The following ST8SIA1 variants were observed in gnomAD, a reference collection of about 807,000 sequenced individuals.
ST8SIA1 encodes alpha-N-acetylneuraminide alpha-2,8-sialyltransferase.
A neutral mutation model predicts 35.9 loss-of-function variants in ST8SIA1; 16 were observed. That is an observed-to-expected ratio of 0.45 (90% CI 0.30 to 0.68). The LOEUF is 0.68. Ranked by LOEUF, ST8SIA1 falls within the 30% of genes least tolerant of loss-of-function variation. The pLI, the probability that ST8SIA1 is intolerant of heterozygous loss-of-function variation, is 0.09. For synonymous variants in ST8SIA1, 170 were observed against 169.6 expected, an observed-to-expected ratio of 1.00 and a Z score of -0.02; for missense variants, 383 against 453.6, an observed-to-expected ratio of 0.84 and a Z score of 1.41.
chr12:22,227,525 TC>T (rs1865373040), intron 4 of ST8SIA1, among the ~76,000 whole-genome samples: 1 of 151,972 alleles, frequency 6.6e-6, no homozygotes, highest in African/African-American at 2.4e-5. Flanking sequence ...TTAGCCGAGA[TC>T]GTGCCATTGC....
intron 1 of ST8SIA1, among the ~76,000 whole-genome samples, chr12:22,299,773 C>T (rs1229789487): frequency 6.6e-6 from 1 of 151,942 alleles, no homozygotes; most frequent in Non-Finnish European, 1.5e-5. Context: ...TTGCATCTGG[C>T]CATTTTCAGT....
chr12:22,320,980 AAAG>A (rs1491277360), intron 1 of ST8SIA1, among the ~76,000 whole-genome samples: 7 of 120,774 alleles, frequency 5.8e-5, no homozygotes, highest in Non-Finnish European at 1.0e-4. Flanking sequence ...AGAAAGAAAG[AAAG>A]AAAGAAAGAA....
intron 2 of ST8SIA1, among the ~76,000 whole-genome samples, chr12:22,270,463 T>A (rs1019462008): frequency 6.6e-6 from 1 of 152,252 alleles, no homozygotes; most frequent in African/African-American, 2.4e-5. Context: ...CCTACGCACT[T>A]TCCTTAAAGT....
At chr12:22,234,851 A>C (rs1044641435) in intron 4 of ST8SIA1, among the ~76,000 whole-genome samples, 3 of 152,250 alleles carry the variant, frequency 2.0e-5, no homozygotes, top group Non-Finnish European at 2.9e-5. Context: ...TGTGCAGCTC[A>C]CAATCAATAA....
At position 22,204,259 on chromosome 12, in the gene ST8SIA1, C is replaced by T. The variant is rs189413327; in HGVS notation, c.585-2221G>A. Among the ~76,000 whole-genome samples the T allele has an allele frequency of 4.8e-3, 731 of 152,176 alleles. 2 individuals carry two copies. The highest frequency in any genetic ancestry group is 7.7e-3 in the Non-Finnish European group (521 of 67,986). On this transcript the variant is annotated intron_variant, in intron 4 of 4. Coordinates refer to ENST00000396037, the MANE Select transcript of ST8SIA1 (RefSeq NM_003034.4). The stretch of plus-strand genomic sequence containing the variant: ...ATACGGTTAGAACTTTCCCCTTCAA[C>T]GCTACTAAGGTATATTTTACAAATA...
At chr12:22,261,438 C>T (rs1007079334) in intron 2 of ST8SIA1, among the ~76,000 whole-genome samples, 4 of 152,170 alleles carry the variant, frequency 2.6e-5, no homozygotes, top group African/African-American at 9.6e-5. Flanking sequence ...CAAGGGTGTA[C>T]TTATGAATAC....
chr12:22,309,138 C>T (rs1049566784), intron 1 of ST8SIA1, among the ~76,000 whole-genome samples: 19 of 152,054 alleles, frequency 1.2e-4, no homozygotes, highest in African/African-American at 4.1e-4. Flanking sequence ...ACTCTCCTGG[C>T]GAAGGGGACC....
At chr12:22,263,610 T>A (rs774215378) in intron 2 of ST8SIA1, among the ~76,000 whole-genome samples, 1 of 152,098 alleles carries the variant, frequency 6.6e-6, no homozygotes, top group Admixed American at 6.6e-5. Flanking sequence ...TAAAGAAAAA[T>A]TGGTGTTTTG....
At chr12:22,283,000 AT>A (rs1866055343) in intron 2 of ST8SIA1, among the ~76,000 whole-genome samples, 1 of 152,146 alleles carries the variant, frequency 6.6e-6, no homozygotes, top group African/African-American at 2.4e-5. Flanking sequence ...AGGAAAAAAA[AT>A]GTGTATTTTC....
intron 1 of ST8SIA1, among the ~76,000 whole-genome samples, chr12:22,300,859 A>G (rs547396658): frequency 2.3e-4 from 35 of 152,270 alleles, no homozygotes; most frequent in African/African-American, 7.7e-4. Flanking sequence ...AGGCTTCCTA[A>G]AGTCCAAAGT....
At chr12:22,311,487 T>C (rs1866449072) in intron 1 of ST8SIA1, among the ~76,000 whole-genome samples, 1 of 152,182 alleles carries the variant, frequency 6.6e-6, no homozygotes, top group African/African-American at 2.4e-5. Context: ...CACAGCTATT[T>C]CTTCAATTGT....
At chr12:22,229,151 G>A (rs534347539) in intron 4 of ST8SIA1, among the ~76,000 whole-genome samples, 1 of 152,090 alleles carries the variant, frequency 6.6e-6, no homozygotes, top group Non-Finnish European at 1.5e-5. Context: ...GGGGAGGGGT[G>A]TTGAAGGAAG....
At chr12:22,276,198 G>T (rs1219743213) in intron 2 of ST8SIA1, among the ~76,000 whole-genome samples, 1 of 152,162 alleles carries the variant, frequency 6.6e-6, no homozygotes, top group Non-Finnish European at 1.5e-5. Flanking sequence ...AGAATTTCAT[G>T]CACTTTGATT....
chr12:22,249,478 C>T (rs1009440447), intron 3 of ST8SIA1, among the ~76,000 whole-genome samples: 17 of 152,124 alleles, frequency 1.1e-4, no homozygotes, highest in African/African-American at 3.4e-4. Flanking sequence ...CCTTGGCCTC[C>T]CAAAGTACTG....
At chr12:22,215,363 G>T (rs1400104899) in intron 4 of ST8SIA1, among the ~76,000 whole-genome samples, 1 of 152,176 alleles carries the variant, frequency 6.6e-6, no homozygotes, top group Non-Finnish European at 1.5e-5. Context: ...ACCAGGTGCT[G>T]TTCTATGCAC....
At chr12:22,287,877 C>CT (rs1338822951) in intron 1 of ST8SIA1, among the ~76,000 whole-genome samples, 2 of 152,210 alleles carry the variant, frequency 1.3e-5, no homozygotes, top group Non-Finnish European at 2.9e-5. Context: ...ATCTCAGACA[C>CT]TGGAGAGCAA....
intron 4 of ST8SIA1, among the ~76,000 whole-genome samples, chr12:22,225,174 C>A (rs1399009668): frequency 6.6e-6 from 1 of 152,096 alleles, no homozygotes; most frequent in Non-Finnish European, 1.5e-5. Context: ...AAAATTCTAG[C>A]CTCCAAAATT....
chr12:22,327,534 G>C (rs982024754), intron 1 of ST8SIA1, among the ~76,000 whole-genome samples: 1 of 152,154 alleles, frequency 6.6e-6, no homozygotes, highest in Non-Finnish European at 1.5e-5. Context: ...CATTTGGGCA[G>C]GAAATTCCAG....
chr12:22,291,768 G>T (rs1175118234), intron 1 of ST8SIA1, among the ~76,000 whole-genome samples: 1 of 152,078 alleles, frequency 6.6e-6, no homozygotes, highest in Non-Finnish European at 1.5e-5. Context: ...ATTTAATATT[G>T]CAAGAAGAAA....
Sources: gnomAD v4.1 joint callset for allele counts (sites outside exome capture counted in the v4.1 genomes callset) on GRCh38, gnomAD v4.1.1 for gene constraint, MANE v1.5 for transcripts, NCBI Gene and HGNC (gene_info 2026-07-23, HGNC 2026-07-21) for gene names.